The following RC3H2 variants were observed in gnomAD, a reference collection of about 807,000 sequenced individuals.
The protein encoded by RC3H2 is ring finger and CCCH-type domains 2.
RC3H2 carries 31 observed loss-of-function variants against 133.3 expected under a neutral mutation model. That is an observed-to-expected ratio of 0.23 (90% CI 0.17 to 0.31). The LOEUF (loss-of-function observed/expected upper bound fraction) is 0.31, where lower values mean the gene tolerates loss of function less well. Among genes scored for constraint, RC3H2 ranks in the 10% least tolerant of loss-of-function variants. The pLI, the probability that RC3H2 is intolerant of heterozygous loss-of-function variation, is 1.00. For synonymous variants in RC3H2, 517 were observed against 502.2 expected (o/e 1.03, Z -0.40); for missense variants, 1,175 against 1,437.2 (o/e 0.82, Z 2.95).
At chr9:122,866,158 C>T (rs1472983255) in intron 9 of RC3H2, among the ~76,000 whole-genome samples, 1 of 152,048 alleles carries the variant, frequency 6.6e-6, no homozygotes, top group Non-Finnish European at 1.5e-5. Flanking sequence ...AAAACTCATT[C>T]TTAAACAAAC....
intron 2 of RC3H2, among the ~76,000 whole-genome samples, chr9:122,893,810 G>C (rs986263309): frequency 2.0e-5 from 3 of 151,796 alleles, no homozygotes; most frequent in Non-Finnish European, 2.9e-5. Context: ...GCATTATTAA[G>C]ACAGAGTGTT....
At chr9:122,856,549 C>A (rs916413258) in intron 13 of RC3H2, among the ~76,000 whole-genome samples, 1 of 152,170 alleles carries the variant, frequency 6.6e-6, no homozygotes, top group Non-Finnish European at 1.5e-5. Flanking sequence ...GCCACTACAC[C>A]AAGCTGAGTT....
intron 9 of RC3H2, among the ~76,000 whole-genome samples, chr9:122,872,494 T>A (rs931841129): frequency 1.3e-5 from 2 of 152,336 alleles, no homozygotes; most frequent in Middle Eastern, 3.4e-3. Context: ...CAGAATAAAA[T>A]CCAAATTCTT....
chr9:122,887,311 A>G (rs1831959642), intron 4 of RC3H2, among the ~76,000 whole-genome samples: 1 of 152,144 alleles, frequency 6.6e-6, no homozygotes, highest in African/African-American at 2.4e-5. Context: ...GGAGTCATTC[A>G]TTATGATGTT....
intron 2 of RC3H2, among the ~76,000 whole-genome samples, chr9:122,894,823 T>G (rs911376849): frequency 6.6e-6 from 1 of 152,120 alleles, no homozygotes; most frequent in Non-Finnish European, 1.5e-5. Context: ...GAGGTTGCAG[T>G]GAGCCGAGAT....
intron 4 of RC3H2, among the ~76,000 whole-genome samples, chr9:122,888,780 T>A (rs1335178160): frequency 2.0e-5 from 3 of 152,228 alleles, no homozygotes; most frequent in African/African-American, 4.8e-5. Context: ...TTACAAATAG[T>A]GCTTTTATAA....
chr9:122,858,326 T>C (rs926404227), intron 12 of RC3H2, among the ~76,000 whole-genome samples: 3 of 152,264 alleles, frequency 2.0e-5, no homozygotes, highest in African/African-American at 4.8e-5. Flanking sequence ...GTCATTTGTA[T>C]GTATGTGGTG....
In RC3H2 at chr9:122,848,767, G is replaced by A. The variant is rs1236154363; in HGVS notation, c.*860C>T. On this transcript the variant is annotated 3_prime_UTR_variant, in exon 21 of 21. Coordinates refer to ENST00000357244, the MANE Select transcript of RC3H2 (RefSeq NM_001100588.3). ...TTGCCAAGTCATCAGATTCAATAATGTACAGGCTTAAATCTGCATTTTAAA... is the reference window on the plus strand; with the variant it reads ...TTGCCAAGTCATCAGATTCAATAATATACAGGCTTAAATCTGCATTTTAAA... 6.6e-6 allele frequency: 1 copy of A among 152,148 alleles called. No individual in the cohort carries two copies. The highest frequency in any genetic ancestry group is 6.5e-5 in the Admixed American group (1 of 15,276). 9.4% of individuals were successfully genotyped at this position (152,148 alleles called of 1,614,324 possible). A position where few individuals can be genotyped will look rare whatever the true frequency, so the allele number is the denominator to read the frequency against.
Position 122,861,427 on chromosome 9 carries a change from T to C in RC3H2, c.1635-1296A>G, listed in dbSNP as rs1171530485. Among the ~76,000 whole-genome samples the C allele has an allele frequency of 2.0e-5, 3 of 147,538 alleles. No individual in the cohort carries two copies. In the East Asian group the frequency reaches 6.0e-4, roughly 29 times the overall value. On this transcript the variant is annotated intron_variant, in intron 10 of 20. Transcript: ENST00000357244. Reference sequence around the variant, plus strand: ...ATCGCTTGAACCCAGGAGGCGGAGGTTGTGGTGAGCCGAGATCACGCCATT... The same window carrying C: ...ATCGCTTGAACCCAGGAGGCGGAGGCTGTGGTGAGCCGAGATCACGCCATT...
At position 122,865,428 on chromosome 9, in the gene RC3H2, C is replaced by G; in HGVS notation, c.1555G>C (p.Glu519Gln). The G allele has an allele frequency of 6.2e-7, 1 of 1,614,224 alleles. No homozygotes were observed. The highest frequency in any genetic ancestry group is 8.5e-7 in the Non-Finnish European group (1 of 1,180,040). ...ACCTTTCCCACTTTCTTCACGGTCT[C>G]CAGAGCTCTTAAGGTACTGTCAGTA... ...RSTDSTLRAL[E>Q]TVKKVGKVGA... The change falls in exon 10 of 21, where the codon GAG (glutamate) becomes CAG (glutamine). Residue 519 changes from glutamate (E) to glutamine (Q), a missense_variant. Coordinates refer to ENST00000357244, the MANE Select transcript of RC3H2 (RefSeq NM_001100588.3).
At chr9:122,899,420 T>TA (rs1832569251) in intron 1 of RC3H2, among the ~76,000 whole-genome samples, 2 of 151,934 alleles carry the variant, frequency 1.3e-5, no homozygotes, top group Admixed American at 1.3e-4. Context: ...AAACAGAGAT[T>TA]AAAAAAAATC....
At chr9:122,898,781 TAA>T (rs1832529627) in intron 1 of RC3H2, among the ~76,000 whole-genome samples, 1 of 150,140 alleles carries the variant, frequency 6.7e-6, no homozygotes, top group Admixed American at 6.6e-5. Flanking sequence ...ATAAGTTTAG[TAA>T]AGTAAAAGAT....
In RC3H2 at chr9:122,847,063, A is replaced by C. The variant is rs947150974; in HGVS notation, c.*2564T>G. The C allele has an allele frequency of 1.3e-5, 2 of 152,148 alleles. No homozygotes were observed. Among genetic ancestry groups the C allele is most frequent in the African/African-American group, 2.4e-5 (1 of 41,438 alleles). 9.4% of individuals were successfully genotyped at this position (152,148 alleles called of 1,614,324 possible). On this transcript the variant is annotated 3_prime_UTR_variant, in exon 21 of 21. Transcript: ENST00000357244. ...TTTAAGAACAGGGAGTTATTGTTTT[A>C]TGGGATCACCTGCTGCAAGACAAGC...
chr9:122,888,939 CTACTGGATGAGAG>C (rs1239665747), intron 4 of RC3H2, among the ~76,000 whole-genome samples: 2 of 152,162 alleles, frequency 1.3e-5, no homozygotes, highest in Non-Finnish European at 2.9e-5. Context: ...ATGCCCATGA[CTACTGGATGAGAG>C]TACCTCACAC....
In RC3H2 at chr9:122,854,525, C is replaced by G. The variant is rs201857025; in HGVS notation, c.2900+6G>C. 18 of 1,602,486 alleles carry G rather than the reference C, an allele frequency of 1.1e-5. No homozygotes were observed. The South Asian group carries it at 2.0e-4, about 18-fold the overall frequency. On this transcript the variant is annotated splice_donor_region_variant and intron_variant, in intron 16 of 20. Transcript: ENST00000357244. ...GAGAATCATATAGAATTAAGAAGAA[C>G]GTTACCTTTCAACATAGTGTGCTGA... is the stretch of plus-strand genomic sequence containing the variant.
chr9:122,890,986 C>T (rs1832141362), intron 3 of RC3H2, among the ~76,000 whole-genome samples: 1 of 150,332 alleles, frequency 6.7e-6, no homozygotes, highest in South Asian at 2.1e-4. Context: ...TTTCATTGAT[C>T]CTGCTTCCCC....
At chr9:122,869,877 T>C (rs1474750315) in intron 9 of RC3H2, among the ~76,000 whole-genome samples, 1 of 152,088 alleles carries the variant, frequency 6.6e-6, no homozygotes, top group Non-Finnish European at 1.5e-5. Flanking sequence ...GCCAACATCA[T>C]CTTATAGATA....
chr9:122,851,444 A>G lies in RC3H2; in HGVS notation c.3118-8T>C. ...TGTATAATCACTCTGTAACTAAGAA[A>G]AATACTGATTTTGCTCTCCCTCTCC... On this transcript the variant is annotated splice_polypyrimidine_tract_variant and splice_region_variant and intron_variant, in intron 18 of 20. Coordinates refer to ENST00000357244, the MANE Select transcript of RC3H2 (RefSeq NM_001100588.3). 6.2e-7 allele frequency: 1 copy of G among 1,613,430 alleles called. No homozygotes were observed. Among genetic ancestry groups the G allele is most frequent in the East Asian group, 2.2e-5 (1 of 44,876 alleles).
At chr9:122,862,524 T>C (rs1047035900) in intron 10 of RC3H2, among the ~76,000 whole-genome samples, 4 of 152,206 alleles carry the variant, frequency 2.6e-5, no homozygotes, top group Non-Finnish European at 4.4e-5. Flanking sequence ...ATACCTCTCA[T>C]AGAATTATTC....
Sources: gnomAD v4.1 joint callset for allele counts (sites outside exome capture counted in the v4.1 genomes callset) on GRCh38, gnomAD v4.1.1 for gene constraint, MANE v1.5 for transcripts, NCBI Gene and HGNC (gene_info 2026-07-23, HGNC 2026-07-21) for gene names.